Variants in MARCHF10 observed in about 807,000 individuals in gnomAD.
The protein encoded by MARCHF10 is membrane associated ring-CH-type finger 10.
Under a neutral mutation model 76.2 loss-of-function variants are expected in MARCHF10, and 64 were observed. That is an observed-to-expected ratio of 0.84 (90% CI 0.69 to 1.03). The LOEUF is 1.03. Among genes scored for constraint, MARCHF10 ranks in the 50% least tolerant of loss-of-function variants. MARCHF10 has a pLI of 0.00. For missense variants in MARCHF10, 875 were observed against 958.0 expected (o/e 0.91, Z 1.14); for synonymous variants, 340 against 357.5 (o/e 0.95, Z 0.55).
intron 6 of MARCHF10, among the ~76,000 whole-genome samples, chr17:62,728,877 T>TA (rs2090884389): frequency 6.6e-6 from 1 of 152,158 alleles, no homozygotes; most frequent in Non-Finnish European, 1.5e-5. Flanking sequence ...AGTGAAGGAT[T>TA]TTAATCAATG....
chr17:62,736,788 C>T lies in MARCHF10; in HGVS notation c.1080G>A (p.Met360Ile), dbSNP rs777741975. 8.1e-6 allele frequency: 13 copies of T among 1,614,078 alleles called. No individual in the cohort carries two copies. The South Asian group carries it at 1.1e-4, about 14-fold the overall frequency. ...SHGSLRISNA[M>I]EPATERPSAG... ...CAGAAGGCCGCTCTGTTGCTGGCTC[C>T]ATTGCATTGCTTATTCTCAATGAGC... Residue 360 changes from methionine to isoleucine, a missense_variant, in exon 6 of 11, where the codon ATG (methionine) becomes ATA (isoleucine). Physicochemically the swap from Met to Ile is conservative, Grantham distance 10. Coordinates refer to ENST00000311269, the MANE Select transcript of MARCHF10 (RefSeq NM_152598.4).
chr17:62,702,702 A>T (rs181884468), intron 10 of MARCHF10, among the ~76,000 whole-genome samples: 363 of 152,014 alleles, frequency 2.4e-3, no homozygotes, highest in African/African-American at 8.3e-3. Context: ...GAAAAGAAAG[A>T]AAGTTTCTGC....
intron 6 of MARCHF10, among the ~76,000 whole-genome samples, chr17:62,728,676 TA>T (rs2090876014): frequency 6.6e-6 from 1 of 152,116 alleles, no homozygotes; most frequent in African/African-American, 2.4e-5. Flanking sequence ...TCTGGAGATT[TA>T]AAAAAATGTG....
At chr17:62,726,231 C>G (rs1041793508) in intron 6 of MARCHF10, 3 of 152,158 alleles carry the variant, frequency 2.0e-5, no homozygotes, top group African/African-American at 7.2e-5. Context: ...TTTTAAGAAG[C>G]CTAAGGCTAT....
chr17:62,758,235 A>G (rs150102407), intron 4 of MARCHF10, among the ~76,000 whole-genome samples: 1 of 152,284 alleles, frequency 6.6e-6, no homozygotes, highest in Non-Finnish European at 1.5e-5. Flanking sequence ...CCCTGTCTCT[A>G]CTAAAAATAC....
At chr17:62,765,509 G>A (rs918451580) in intron 3 of MARCHF10, among the ~76,000 whole-genome samples, 2 of 151,966 alleles carry the variant, frequency 1.3e-5, no homozygotes, top group African/African-American at 4.8e-5. Context: ...AAGTTGAAAC[G>A]ACCCAGCCTG....
intron 4 of MARCHF10, among the ~76,000 whole-genome samples, chr17:62,744,882 G>C (rs1004000781): frequency 7.5e-6 from 1 of 133,364 alleles, no homozygotes; most frequent in Non-Finnish European, 1.5e-5. Context: ...GCATGGTGGC[G>C]CATGCCTGTA....
At chr17:62,761,326 T>A (rs2092195093) in intron 3 of MARCHF10, among the ~76,000 whole-genome samples, 1 of 152,242 alleles carries the variant, frequency 6.6e-6, no homozygotes. Flanking sequence ...ACAAACTGAC[T>A]GTTCTCCCCT....
chr17:62,721,854 T>G (rs1302700979), intron 8 of MARCHF10, among the ~76,000 whole-genome samples: 1 of 152,114 alleles, frequency 6.6e-6, no homozygotes, highest in Admixed American at 6.5e-5. Flanking sequence ...TTTTCTCTTG[T>G]TATTAAATTA....
intron 4 of MARCHF10, among the ~76,000 whole-genome samples, chr17:62,748,963 G>A (rs144264379): frequency 2.6e-5 from 4 of 152,232 alleles, no homozygotes; most frequent in East Asian, 3.9e-4. Context: ...AAAAGGAAGG[G>A]GTTTGTGTTC....
chr17:62,783,443 C>T (rs997911098), intron 3 of MARCHF10, among the ~76,000 whole-genome samples: 1 of 151,856 alleles, frequency 6.6e-6, no homozygotes, highest in Non-Finnish European at 1.5e-5. Flanking sequence ...AAAATCGACA[C>T]CCTAACATCA....
chr17:62,736,663 G>A lies in MARCHF10; in HGVS notation c.1205C>T (p.Ser402Leu), dbSNP rs1304517356. The change falls in exon 6 of 11, where the codon TCG becomes TTG. Residue 402 changes from serine to leucine, a missense_variant. Ser to Leu is a moderately radical substitution (Grantham distance 145). Coordinates refer to ENST00000311269, the MANE Select transcript of MARCHF10 (RefSeq NM_152598.4). ...TCTGGGCTCGGATTTGGTGTCCCACGAAAGAGGGCTCTTTTTCGCATTTTC... is the reference window on the plus strand; with the variant it reads ...TCTGGGCTCGGATTTGGTGTCCCACAAAAGAGGGCTCTTTTTCGCATTTTC... ...GSENAKKSPLSWDTKSEPRQE... is the reference protein window; with the variant it reads ...GSENAKKSPLLWDTKSEPRQE... 23 of 1,613,974 alleles carry A rather than the reference G, an allele frequency of 1.4e-5. No homozygotes were observed. The highest frequency in any genetic ancestry group is 3.3e-5 in the South Asian group (3 of 91,084).
rs114675314 is a variant in MARCHF10, at chr17:62,801,807, G to A, written c.-17-55C>T. 3.4e-3 allele frequency: 4,307 copies of A among 1,249,884 alleles called. 122 individuals are homozygous for A. The African/African-American group carries it at 0.057, about 16-fold the overall frequency. The allele number at this position is 1,249,884 out of a possible 1,614,324, so 77.4% of individuals were successfully genotyped here. A position where few individuals can be genotyped will look rare whatever the true frequency, so the allele number is the denominator to read the frequency against. On this transcript the variant is annotated intron_variant, in intron 1 of 10. Coordinates refer to ENST00000311269, the MANE Select transcript of MARCHF10 (RefSeq NM_152598.4). ...TGTTAGAGTCCTTTGTCGTGATGCC[G>A]TATTTGGATTTATTTTCATCTAATT...
In MARCHF10 at chr17:62,736,359, T is replaced by G. The variant is rs1213333438; in HGVS notation, c.1509A>C (p.Gly503=). 3 of 1,614,076 alleles carry G rather than the reference T, an allele frequency of 1.9e-6. No individual in the cohort carries two copies. The highest frequency in any genetic ancestry group is 2.5e-6 in the Non-Finnish European group (3 of 1,180,052). ...GTTGGCAAACATGAAACCCTGAGTT[T>G]CCCTCTGAGTCTGAGCTGTGAACTG... ...STSVHSSDSE[G]NSGFHVCQPL... The change falls in exon 6 of 11, where the codon GGA becomes GGC. Residue 503 remains glycine (G), a synonymous_variant. Coordinates refer to ENST00000311269, the MANE Select transcript of MARCHF10 (RefSeq NM_152598.4).
intron 1 of MARCHF10, among the ~76,000 whole-genome samples, chr17:62,806,827 C>T (rs907032334): frequency 6.6e-6 from 1 of 152,210 alleles, no homozygotes; most frequent in Admixed American, 6.5e-5. Context: ...TGCATACGTA[C>T]CATCCCTCTG....
In MARCHF10 at chr17:62,793,125, C is replaced by A. The variant is rs566334183; in HGVS notation, c.91-4526G>T. On this transcript the variant is annotated intron_variant, in intron 2 of 10. Transcript: ENST00000311269. ...CCACCACCATCACCTCCATCACTAT[C>A]ACCACAACCATCACCACCATCACCA... 3.5e-3 allele frequency among the ~76,000 whole-genome samples: 504 copies of A among 145,478 alleles called. 2 individuals are homozygous for A. Among genetic ancestry groups the A allele is most frequent in the African/African-American group, 0.013 (490 of 38,988 alleles).
At chr17:62,724,431 C>T (rs1191793856) in intron 7 of MARCHF10, among the ~76,000 whole-genome samples, 1 of 152,090 alleles carries the variant, frequency 6.6e-6, no homozygotes, top group Non-Finnish European at 1.5e-5. Context: ...GCACTCTTAT[C>T]CCTATTGCTA....
Position 62,705,543 on chromosome 17 carries a change from A to G in MARCHF10, c.2367T>C (p.Asn789=), listed in dbSNP as rs141992383. 5.9e-5 allele frequency: 96 copies of G among 1,614,010 alleles called. No individual in the cohort carries two copies. The African/African-American group carries it at 1.1e-3, about 19-fold the overall frequency. ...GGACTGGCCCCCAAAACCTACTTTCATTTTCCTCTGTTCTGGGTTGTGGGT... is the reference window on the plus strand; with the variant it reads ...GGACTGGCCCCCAAAACCTACTTTCGTTTTCCTCTGTTCTGGGTTGTGGGT... ...RNYPQPRTEE[N]ENSELGDGNE... The change falls in exon 10 of 11, where the codon AAT becomes AAC. Residue 789 remains asparagine (N), a synonymous_variant. Coordinates refer to ENST00000311269, the MANE Select transcript of MARCHF10 (RefSeq NM_152598.4).
chr17:62,744,101 C>T (rs1244810986), intron 5 of MARCHF10, among the ~76,000 whole-genome samples: 1 of 152,072 alleles, frequency 6.6e-6, no homozygotes, highest in Non-Finnish European at 1.5e-5. Context: ...CTGGTGTCCA[C>T]TCAAAACCAG....
Sources: allele counts gnomAD v4.1 joint callset (sites outside exome capture counted in the v4.1 genomes callset), GRCh38; gene constraint gnomAD v4.1.1; transcripts MANE v1.5; gene names NCBI Gene and HGNC (gene_info 2026-07-23, HGNC 2026-07-21).